Variants in KCNJ3 observed in about 807,000 individuals in gnomAD.
The protein encoded by KCNJ3 is G protein-activated inward rectifier potassium channel 1.
In KCNJ3, 4 loss-of-function variants were observed where a neutral mutation model predicts 39.2. The ratio of observed to expected loss-of-function variants is 0.10; its 90% CI spans 0.05 to 0.23. The LOEUF is 0.23. Ranked by LOEUF, KCNJ3 falls within the 10% of genes least tolerant of loss-of-function variation. The pLI is 1.00. For missense variants in KCNJ3, 276 were observed against 634.9 expected, an observed-to-expected ratio of 0.43 and a Z score of 6.08; for synonymous variants, 230 against 237.4, an observed-to-expected ratio of 0.97 and a Z score of 0.29.
At chr2:154,843,017 A>G (rs1474616001) in intron 2 of KCNJ3, among the ~76,000 whole-genome samples, 1 of 152,162 alleles carries the variant, frequency 6.6e-6, no homozygotes, top group Non-Finnish European at 1.5e-5. Flanking sequence ...TAATTGATGT[A>G]GTTTCTTCAT....
intron 2 of KCNJ3, among the ~76,000 whole-genome samples, chr2:154,715,286 A>G (rs1685163027): frequency 1.3e-5 from 2 of 152,192 alleles, no homozygotes; most frequent in Non-Finnish European, 1.5e-5. Context: ...CTTTCATGAT[A>G]TACTCGTACT....
chr2:154,819,861 T>G, intron 2 of KCNJ3, among the ~76,000 whole-genome samples: 1 of 152,042 alleles, frequency 6.6e-6, no homozygotes, highest in African/African-American at 2.4e-5. Flanking sequence ...CAAACTTAAG[T>G]TTAAGTTTAA....
intron 2 of KCNJ3, among the ~76,000 whole-genome samples, chr2:154,716,276 ATTTTTTT>A (rs535989708): frequency 8.7e-5 from 10 of 115,456 alleles, no homozygotes; most frequent in East Asian, 2.6e-4. Context: ...CGGCCGGCTA[ATTTTTTT>A]TTTTTTTTTT....
intron 2 of KCNJ3, among the ~76,000 whole-genome samples, chr2:154,776,051 G>C (rs1686328128): frequency 6.6e-6 from 1 of 151,418 alleles, no homozygotes; most frequent in African/African-American, 2.4e-5. Flanking sequence ...GCCTAGGCTG[G>C]AGTGTAGTGG....
chr2:154,817,956 A>G (rs964811391), intron 2 of KCNJ3, among the ~76,000 whole-genome samples: 5 of 143,808 alleles, frequency 3.5e-5, no homozygotes, highest in African/African-American at 1.2e-4. Flanking sequence ...TCAAATAAGA[A>G]ATTTTCTTAT....
At chr2:154,739,065 A>T (rs1016790223) in intron 2 of KCNJ3, among the ~76,000 whole-genome samples, 1 of 152,076 alleles carries the variant, frequency 6.6e-6, no homozygotes, top group Non-Finnish European at 1.5e-5. Flanking sequence ...TTAAGAAAAA[A>T]TAACTTTCAG....
chr2:154,837,109 T>G (rs1021650728), intron 2 of KCNJ3, among the ~76,000 whole-genome samples: 1 of 152,202 alleles, frequency 6.6e-6, no homozygotes, highest in Non-Finnish European at 1.5e-5. Context: ...CCTGTAATTA[T>G]TCTATGGTTT....
intron 2 of KCNJ3, among the ~76,000 whole-genome samples, chr2:154,772,208 G>T (rs1280709077): frequency 1.3e-5 from 2 of 152,154 alleles, no homozygotes; most frequent in Non-Finnish European, 2.9e-5. Context: ...ACTCTAAATA[G>T]TGATAAATGT....
intron 2 of KCNJ3, among the ~76,000 whole-genome samples, chr2:154,741,633 T>C (rs1374322496): frequency 6.6e-6 from 1 of 151,912 alleles, no homozygotes; most frequent in Non-Finnish European, 1.5e-5. Flanking sequence ...AATAATTATC[T>C]GGAAAATCGT....
intron 2 of KCNJ3, among the ~76,000 whole-genome samples, chr2:154,744,179 G>T (rs1262570766): frequency 1.3e-5 from 2 of 151,608 alleles, no homozygotes; most frequent in African/African-American, 2.4e-5. Context: ...TGCAAACCTG[G>T]AATAATAAAC....
Position 154,698,718 on chromosome 2 carries a change from C to A in KCNJ3, c.-58C>A. 2 of 639,860 alleles carry A rather than the reference C, an allele frequency of 3.1e-6. No homozygotes were observed. Among genetic ancestry groups the A allele is most frequent in the Non-Finnish European group, 5.0e-6 (2 of 396,230 alleles). The allele number at this position is 639,860 out of a possible 1,614,324, so 39.6% of individuals were successfully genotyped here. A position where few individuals can be genotyped will look rare whatever the true frequency, so the allele number is the denominator to read the frequency against. On this transcript the variant is annotated 5_prime_UTR_variant, in exon 1 of 3. Transcript: ENST00000295101. ...CCACCTCCTTATTGGTGCTAGTTTGCAGCGCCCAGCTCCTGCGCCTTCGCT... is the reference window on the plus strand; with the variant it reads ...CCACCTCCTTATTGGTGCTAGTTTGAAGCGCCCAGCTCCTGCGCCTTCGCT...
At chr2:154,780,603 G>T (rs767087704) in intron 2 of KCNJ3, among the ~76,000 whole-genome samples, 1 of 152,160 alleles carries the variant, frequency 6.6e-6, no homozygotes, top group Non-Finnish European at 1.5e-5. Flanking sequence ...GAGTGAGGGG[G>T]GTTGGGGGTC....
At position 154,857,886 on chromosome 2, in the gene KCNJ3, C is replaced by CAAAAAAAAAAAAAAAAAAAAAAAAAAA. The variant is rs70983747; in HGVS notation, c.*2588_*2614dup. The CAAAAAAAAAAAAAAAAAAAAAAAAAAA allele has an allele frequency of 7.1e-5, 3 of 41,966 alleles. No homozygotes were observed. Among genetic ancestry groups the CAAAAAAAAAAAAAAAAAAAAAAAAAAA allele is most frequent in the Non-Finnish European group, 1.2e-4 (3 of 24,264 alleles). 2.6% of individuals were successfully genotyped at this position (41,966 alleles called of 1,614,324 possible). On this transcript the variant is annotated 3_prime_UTR_variant, in exon 3 of 3. Transcript: ENST00000295101. The stretch of plus-strand genomic sequence containing the variant: ...ACAGTGCGAGACTCCATCTCAACAT[C>CAAAAAAAAAAAAAAAAAAAAAAAAAAA]AAAAAAAAAAAAAAAAAAAAAAAAA...
At chr2:154,702,035 C>A (rs1684907337) in intron 1 of KCNJ3, among the ~76,000 whole-genome samples, 2 of 151,948 alleles carry the variant, frequency 1.3e-5, no homozygotes, top group Admixed American at 6.6e-5. Context: ...AAGTTGCTCT[C>A]ATTTTCTCTT....
intron 2 of KCNJ3, among the ~76,000 whole-genome samples, chr2:154,853,640 A>G (rs1170799872): frequency 6.6e-6 from 1 of 152,082 alleles, no homozygotes; most frequent in Non-Finnish European, 1.5e-5. Context: ...GAATTTTACT[A>G]TTTACAGAAA....
chr2:154,747,681 A>T (rs947214818), intron 2 of KCNJ3, among the ~76,000 whole-genome samples: 43 of 152,186 alleles, frequency 2.8e-4, no homozygotes, highest in African/African-American at 9.6e-4. Context: ...TTTGAAAAAG[A>T]CAAATAGCCC....
rs746694972 is a variant in KCNJ3, at chr2:154,823,857, G to A, written c.920-30870G>A. On this transcript the variant is annotated intron_variant, in intron 2 of 2. Coordinates refer to ENST00000295101, the MANE Select transcript of KCNJ3 (RefSeq NM_002239.4). ...GTCAGGGGGTTTGTGTCATTTATTC[G>A]TCTTTGATCTTATGACTTTTTAGTG... is the stretch of plus-strand genomic sequence containing the variant. Among the ~76,000 whole-genome samples the A allele has an allele frequency of 7.2e-5, 11 of 151,982 alleles. No homozygotes were observed. The South Asian group carries it at 1.0e-3, about 14-fold the overall frequency.
intron 2 of KCNJ3, among the ~76,000 whole-genome samples, chr2:154,789,155 T>C (rs1049283344): frequency 2.6e-5 from 4 of 152,072 alleles, no homozygotes; most frequent in Non-Finnish European, 5.9e-5. Flanking sequence ...CTGCATATTA[T>C]TGCAAAAAGA....
intron 2 of KCNJ3, among the ~76,000 whole-genome samples, chr2:154,784,027 A>C (rs1191913426): frequency 6.6e-6 from 1 of 152,196 alleles, no homozygotes; most frequent in Non-Finnish European, 1.5e-5. Context: ...CCAATAGTTA[A>C]AATTTCTTGC....
Sources: gnomAD v4.1 joint callset for allele counts (sites outside exome capture counted in the v4.1 genomes callset) on GRCh38, gnomAD v4.1.1 for gene constraint, MANE v1.5 for transcripts, NCBI Gene and HGNC (gene_info 2026-07-23, HGNC 2026-07-21) for gene names.